CA10: variants seen among roughly 807,000 people sequenced by gnomAD.
CA10 encodes carbonic anhydrase 10 (inactive).
Under a neutral mutation model 44.2 loss-of-function variants are expected in CA10, and 14 were observed. The observed-to-expected ratio is 0.32, with a 90% CI of 0.21 to 0.50. The LOEUF (loss-of-function observed/expected upper bound fraction) is 0.50, where lower values mean the gene tolerates loss of function less well. CA10 is among the 20% of genes least tolerant of loss of function. The probability of loss-of-function intolerance (pLI) is 0.99; values close to 1 mark genes in which losing one functional copy is unlikely to be tolerated. For synonymous variants in CA10, 159 were observed against 141.6 expected (o/e 1.12, Z -0.87); for missense variants, 350 against 409.7 (o/e 0.85, Z 1.26).
In CA10 at chr17:52,057,872, C is replaced by T. The variant is rs76916235; in HGVS notation, c.136+14447G>A. Among the ~76,000 whole-genome samples, 1,294 of 152,174 alleles carry T rather than the reference C, an allele frequency of 8.5e-3. 16 individuals carry two copies. Among genetic ancestry groups the T allele is most frequent in the African/African-American group, 0.027 (1,131 of 41,500 alleles). The stretch of plus-strand genomic sequence containing the variant: ...CATGGAACACTCCCTATGTTCCTTC[C>T]TTTGTGCACTTCTGACTGTGTAGAT... On this transcript the variant is annotated intron_variant, in intron 2 of 8. Coordinates refer to ENST00000451037, the MANE Select transcript of CA10 (RefSeq NM_020178.5).
intron 2 of CA10, among the ~76,000 whole-genome samples, chr17:52,045,749 A>G (rs1026826726): frequency 3.3e-5 from 5 of 151,956 alleles, no homozygotes; most frequent in African/African-American, 1.2e-4. Flanking sequence ...CTTTCAACCA[A>G]TGGAACCTAA....
chr17:52,056,569 A>C (rs545240121), intron 2 of CA10, among the ~76,000 whole-genome samples: 1 of 152,248 alleles, frequency 6.6e-6, no homozygotes, highest in Admixed American at 6.5e-5. Context: ...ACTGTTATAG[A>C]AACTACATTT....
At chr17:52,098,278 C>T (rs1988454296) in intron 1 of CA10, among the ~76,000 whole-genome samples, 1 of 152,158 alleles carries the variant, frequency 6.6e-6, no homozygotes, top group African/African-American at 2.4e-5. Context: ...TTTATCAAAC[C>T]TCAGTGTGTG....
intron 1 of CA10, among the ~76,000 whole-genome samples, chr17:52,107,879 A>G (rs1383141092): frequency 6.6e-6 from 1 of 152,114 alleles, no homozygotes; most frequent in African/African-American, 2.4e-5. Context: ...GCATTTAAGA[A>G]AGTCAGAGCA....
intron 2 of CA10, among the ~76,000 whole-genome samples, chr17:51,988,253 G>A (rs1984915329): frequency 6.6e-6 from 1 of 151,886 alleles, no homozygotes; most frequent in Non-Finnish European, 1.5e-5. Flanking sequence ...AATCGAGTTG[G>A]GTTTTAGACA....
At chr17:51,906,201 C>A (rs1284799222) in intron 3 of CA10, among the ~76,000 whole-genome samples, 1 of 152,070 alleles carries the variant, frequency 6.6e-6, no homozygotes, top group Non-Finnish European at 1.5e-5. Context: ...CCTTTTATGT[C>A]AAAAAATTTT....
intron 4 of CA10, among the ~76,000 whole-genome samples, chr17:51,658,250 G>A (rs1180785388): frequency 6.6e-6 from 1 of 152,122 alleles, no homozygotes; most frequent in East Asian, 1.9e-4. Context: ...GAATTCATTT[G>A]TTCAAAAAAT....
At chr17:52,091,747 T>C (rs1021092742) in intron 1 of CA10, among the ~76,000 whole-genome samples, 1 of 152,116 alleles carries the variant, frequency 6.6e-6, no homozygotes, top group African/African-American at 2.4e-5. Flanking sequence ...GACCTTGCTG[T>C]ATACACTAGA....
At chr17:52,067,143 C>T (rs1251201680) in intron 2 of CA10, among the ~76,000 whole-genome samples, 1 of 152,376 alleles carries the variant, frequency 6.6e-6, no homozygotes, top group Non-Finnish European at 1.5e-5. Flanking sequence ...TGTCAAAGGT[C>T]TTTACAGCAG....
At position 51,831,696 on chromosome 17, in the gene CA10, G is replaced by GCAT. The variant is rs1555604055; in HGVS notation, c.280-83879_280-83878insATG. On this transcript the variant is annotated intron_variant, in intron 3 of 8. Transcript: ENST00000451037. ...AGCAGCAGCAGCAGCAGCAGCAGCA[G>GCAT]CAGCAGCAGCAGCAGCAGCAGCAGC... Among the ~76,000 whole-genome samples, 229 of 87,126 alleles carry GCAT rather than the reference G, an allele frequency of 2.6e-3. 1 individual carries two copies. Among genetic ancestry groups the GCAT allele is most frequent in the African/African-American group, 6.9e-3 (198 of 28,898 alleles). The allele number at this position is 87,126 out of a possible 152,430, so 57.2% of individuals were successfully genotyped here. A position where few individuals can be genotyped will look rare whatever the true frequency, so the allele number is the denominator to read the frequency against.
chr17:51,854,298 C>T (rs1413742282), intron 3 of CA10, among the ~76,000 whole-genome samples: 1 of 152,152 alleles, frequency 6.6e-6, no homozygotes, highest in Non-Finnish European at 1.5e-5. Flanking sequence ...TGTTAATGTT[C>T]AGTGAGGTCA....
chr17:52,093,979 T>C lies in CA10; in HGVS notation c.62-21586A>G, dbSNP rs116053961. On this transcript the variant is annotated intron_variant, in intron 1 of 8. Transcript: ENST00000451037. Reference sequence around the variant, plus strand: ...CTAAAGATTACATCCTTAAGATGAGTTCATGTCCTTTGCAGGGACATGGAT... The same window carrying C: ...CTAAAGATTACATCCTTAAGATGAGCTCATGTCCTTTGCAGGGACATGGAT... 5.8e-3 allele frequency among the ~76,000 whole-genome samples: 876 copies of C among 152,184 alleles called. 10 individuals carry two copies. Among genetic ancestry groups the C allele is most frequent in the African/African-American group, 0.02 (842 of 41,504 alleles).
chr17:51,663,799 TAAC>T (rs1466302431), intron 4 of CA10, among the ~76,000 whole-genome samples: 1 of 152,184 alleles, frequency 6.6e-6, no homozygotes, highest in Non-Finnish European at 1.5e-5. Flanking sequence ...GTTCCATAGA[TAAC>T]AACAAAGTCA....
At chr17:52,061,846 G>T (rs1415214187) in intron 2 of CA10, among the ~76,000 whole-genome samples, 2 of 152,094 alleles carry the variant, frequency 1.3e-5, no homozygotes, top group Non-Finnish European at 2.9e-5. Context: ...TTATAGCAGT[G>T]TGAAAAAGGA....
At chr17:51,820,405 A>ACCCCCCCCCCCC (rs748623140) in intron 3 of CA10, among the ~76,000 whole-genome samples, 1 of 39,172 alleles carries the variant, frequency 2.6e-5, no homozygotes, top group Non-Finnish European at 4.1e-5. Context: ...GGATTCCCCT[A>ACCCCCCCCCCCC]CCCCCCCCCC....
intron 2 of CA10, among the ~76,000 whole-genome samples, chr17:51,973,911 G>A (rs759222004): frequency 2.0e-5 from 3 of 152,114 alleles, no homozygotes; most frequent in Non-Finnish European, 4.4e-5. Flanking sequence ...GGATAAGACT[G>A]ATGCTGTAAT....
At chr17:52,105,374 C>T (rs1393616173) in intron 1 of CA10, among the ~76,000 whole-genome samples, 1 of 152,166 alleles carries the variant, frequency 6.6e-6, no homozygotes, top group Non-Finnish European at 1.5e-5. Context: ...CCTGCCTCAG[C>T]TTCCCGAATA....
chr17:51,909,995 C>G (rs1056752142), intron 3 of CA10, among the ~76,000 whole-genome samples: 1 of 152,122 alleles, frequency 6.6e-6, no homozygotes, highest in Non-Finnish European at 1.5e-5. Context: ...TTGCCCTGCA[C>G]TGCTTGCTTA....
chr17:52,079,434 G>A (rs1987906800), intron 1 of CA10, among the ~76,000 whole-genome samples: 1 of 150,800 alleles, frequency 6.6e-6, no homozygotes, highest in Non-Finnish European at 1.5e-5. Context: ...ACCCCAGCCT[G>A]GGGGACAGAG....
Sources: gnomAD v4.1 joint callset for allele counts (sites outside exome capture counted in the v4.1 genomes callset) on GRCh38, gnomAD v4.1.1 for gene constraint, MANE v1.5 for transcripts, NCBI Gene and HGNC (gene_info 2026-07-23, HGNC 2026-07-21) for gene names.